COQ7: variants seen among roughly 807,000 people sequenced by gnomAD.
COQ7 encodes the protein NADPH-dependent 3-demethoxyubiquinone 3-hydroxylase, mitochondrial.
Under a neutral mutation model 25.0 loss-of-function variants are expected in COQ7, and 21 were observed. That is an observed-to-expected ratio of 0.84 (90% CI 0.60 to 1.21). The LOEUF (loss-of-function observed/expected upper bound fraction) is 1.21. Ranked by LOEUF, COQ7 falls within the 50% of genes most tolerant of loss-of-function variation. The pLI is 0.00. For missense variants in COQ7, 311 were observed against 296.2 expected, an observed-to-expected ratio of 1.05 and a Z score of -0.37; for synonymous variants, 125 against 112.4, an observed-to-expected ratio of 1.11 and a Z score of -0.71.
chr16:19,082,801 G>A (rs74713376), downstream of COQ7, among the ~76,000 whole-genome samples: 2,004 of 101,958 alleles, frequency 0.02, 51 homozygotes, highest in African/African-American at 0.061. Context: ...CAAATTTTAT[G>A]TATATTTTAC....
At position 19,074,046 on chromosome 16, in the gene COQ7, C is replaced by A; in HGVS notation, c.367+11C>A. 1 of 1,597,238 alleles carries A rather than the reference C, an allele frequency of 6.3e-7. No homozygotes were observed. Among genetic ancestry groups the A allele is most frequent in the Non-Finnish European group, 8.6e-7 (1 of 1,167,048 alleles). On this transcript the variant is annotated intron_variant, in intron 3 of 5. Coordinates refer to ENST00000321998, the MANE Select transcript of COQ7 (RefSeq NM_016138.5). ...TGGGGTTTGCACTGGGTACGTGTCT[C>A]TCTAGAAGAGCTTATGCAAGCTTGG... is the stretch of plus-strand genomic sequence containing the variant.
intron 2 of COQ7, among the ~76,000 whole-genome samples, chr16:19,073,399 T>G (rs1306570717): frequency 6.6e-6 from 1 of 151,890 alleles, no homozygotes; most frequent in Non-Finnish European, 1.5e-5. Flanking sequence ...GAGGCCGAGG[T>G]GGGAGGATCG....
rs764137867 is a variant in COQ7, at chr16:19,067,689, G to T, written c.25G>T (p.Ala9Ser). MSCAGAAAAPRLWRLRPGA... is the reference protein window; with the variant it reads MSCAGAAASPRLWRLRPGA... Reference sequence around the variant, plus strand: ...AATGAGTTGCGCCGGGGCGGCGGCGGCTCCCCGCCTTTGGCGGCTGCGCCC... The same window carrying T: ...AATGAGTTGCGCCGGGGCGGCGGCGTCTCCCCGCCTTTGGCGGCTGCGCCC... The change falls in exon 1 of 6, where the codon GCT becomes TCT. Residue 9 changes from alanine (A) to serine (S), a missense_variant. Coordinates refer to ENST00000321998, the MANE Select transcript of COQ7 (RefSeq NM_016138.5). The T allele has an allele frequency of 6.2e-7, 1 of 1,609,662 alleles. No homozygotes were observed.
At chr16:19,076,499 A>G (rs1962847588) in intron 4 of COQ7, among the ~76,000 whole-genome samples, 1 of 149,364 alleles carries the variant, frequency 6.7e-6, no homozygotes, top group South Asian at 2.1e-4. Context: ...ATTGGTCTTG[A>G]GCTCCTGGGC....
rs878918044 is a variant in COQ7, at chr16:19,067,698, C to T, written c.34C>T (p.Leu12Phe). The T allele has an allele frequency of 4.4e-6, 7 of 1,608,772 alleles. No individual in the cohort carries two copies. The highest frequency in any genetic ancestry group is 1.7e-4 in the Middle Eastern group (1 of 5,998). The stretch of plus-strand genomic sequence containing the variant: ...CGCCGGGGCGGCGGCGGCTCCCCGC[C>T]TTTGGCGGCTGCGCCCGGGGGCCCG... ...SCAGAAAAPR[L>F]WRLRPGARRS... The change falls in exon 1 of 6, where the codon CTT (leucine) becomes TTT (phenylalanine). Residue 12 changes from leucine (L) to phenylalanine (F), a missense_variant. Leu to Phe is a conservative substitution (Grantham distance 22). Coordinates refer to ENST00000321998, the MANE Select transcript of COQ7 (RefSeq NM_016138.5).
rs894473112 is a variant in COQ7, at chr16:19,079,728, G to A, written c.*1570G>A. 6.6e-6 allele frequency: 1 copy of A among 152,184 alleles called. No homozygotes were observed. Among genetic ancestry groups the A allele is most frequent in the Admixed American group, 6.5e-5 (1 of 15,280 alleles). The allele number at this position is 152,184 out of a possible 1,614,324, so 9.4% of individuals were successfully genotyped here. ...TTTAGGAATTTGCTTCCCACCCAGTGCCCTGCATTTAATCAGCACCTGATG... is the reference window on the plus strand; with the variant it reads ...TTTAGGAATTTGCTTCCCACCCAGTACCCTGCATTTAATCAGCACCTGATG... On this transcript the variant is annotated 3_prime_UTR_variant, in exon 6 of 6. Transcript: ENST00000321998.
At chr16:19,067,808 G>A in intron 1 of COQ7, 71 bp downstream of exon 1, 8 of 1,566,114 alleles carry the variant, frequency 5.1e-6, no homozygotes, top group South Asian at 1.1e-5. Context: ...TGAGGTTTGG[G>A]TCGAAGAGGT....
At chr16:19,071,838 C>T (rs778407451) in intron 1 of COQ7, 90 bp from the exon 2 acceptor site, 17 of 1,454,628 alleles carry the variant, frequency 1.2e-5, no homozygotes, top group Non-Finnish European at 1.6e-5. Context: ...TGATTTGTGA[C>T]CTCCATCCCA....
chr16:19,073,325 C>CAAAAAAAACCG (rs1555522096), intron 2 of COQ7, among the ~76,000 whole-genome samples: 20,481 of 123,344 alleles, frequency 0.17, 1,484 homozygotes, highest in African/African-American at 0.21. Context: ...ACAAAAAAAA[C>CAAAAAAAACCG]CGCACACACA....
Position 19,078,129 on chromosome 16 carries a change from G to T in COQ7, c.625G>T (p.Val209Leu). 1 of 1,611,944 alleles carries T rather than the reference G, an allele frequency of 6.2e-7. No individual in the cohort carries two copies. The highest frequency in any genetic ancestry group is 8.5e-7 in the Non-Finnish European group (1 of 1,179,078). The change falls in exon 6 of 6, where the codon GTG becomes TTG. Residue 209 changes from valine to leucine, a missense_variant. Coordinates refer to ENST00000321998, the MANE Select transcript of COQ7 (RefSeq NM_016138.5). Reference protein sequence around the residue: ...LKSIIQAGCRVAIYLSERL With the variant: ...LKSIIQAGCRLAIYLSERL ...GAGCATTATCCAGGCCGGATGCAGA[G>T]TGGCGATATATTTATCAGAAAGATT...
At chr16:19,068,840 T>C in intron 1 of COQ7, 1 of 450,854 alleles carries the variant, frequency 2.2e-6, no homozygotes, top group Middle Eastern at 3.5e-4. Context: ...ACAAAATCCT[T>C]ATGGTGAATG....
intron 5 of COQ7, among the ~76,000 whole-genome samples, 177 bp from the exon 6 acceptor site, chr16:19,077,904 G>A (rs184730644): frequency 1.3e-5 from 2 of 152,170 alleles, no homozygotes; most frequent in East Asian, 3.9e-4. Context: ...CAATGCTTTG[G>A]CAGTAGTAGC....
chr16:19,078,241 G>A lies in COQ7; in HGVS notation c.*83G>A, dbSNP rs1011718826. On this transcript the variant is annotated 3_prime_UTR_variant, in exon 6 of 6. Coordinates refer to ENST00000321998, the MANE Select transcript of COQ7 (RefSeq NM_016138.5). Reference sequence around the variant, plus strand: ...GCAGAGAAACAGGTGTACAGTTATCGTTGTACTTTTGTACAATGTGAATTT... The same window carrying A: ...GCAGAGAAACAGGTGTACAGTTATCATTGTACTTTTGTACAATGTGAATTT... 1.9e-5 allele frequency: 19 copies of A among 998,108 alleles called. No individual in the cohort carries two copies. Among genetic ancestry groups the A allele is most frequent in the Non-Finnish European group, 2.5e-5 (17 of 678,126 alleles). 61.8% of individuals were successfully genotyped at this position (998,108 alleles called of 1,614,324 possible). A position where few individuals can be genotyped will look rare whatever the true frequency, so the allele number is the denominator to read the frequency against.
intron 1 of COQ7, among the ~76,000 whole-genome samples, chr16:19,069,820 G>T (rs1048207563): frequency 6.6e-6 from 1 of 151,918 alleles, no homozygotes; most frequent in South Asian, 2.1e-4. Context: ...GTCTCACTCT[G>T]TCACCGAGGC....
chr16:19,077,412 C>G (rs2142395656), intron 5 of COQ7, 38 bp downstream of exon 5: 1 of 1,571,514 alleles, frequency 6.4e-7, no homozygotes. Context: ...TTTGGGACTC[C>G]TTATTTGGGA....
intron 4 of COQ7, among the ~76,000 whole-genome samples, chr16:19,076,891 C>T (rs894695056): frequency 6.6e-6 from 1 of 152,176 alleles, no homozygotes; most frequent in Non-Finnish European, 1.5e-5. Flanking sequence ...CGCGCCCGGC[C>T]CACTTCTTTA....
intron 3 of COQ7, 133 bp from the exon 4 acceptor site, chr16:19,075,587 TG>T: frequency 1.1e-6 from 1 of 924,706 alleles, no homozygotes; most frequent in Non-Finnish European, 1.6e-6. Flanking sequence ...CCACCATGCA[TG>T]GGACAGCCCC....
chr16:19,078,974 T>C lies in COQ7; in HGVS notation c.*816T>C, dbSNP rs1379273602. On this transcript the variant is annotated 3_prime_UTR_variant, in exon 6 of 6. Coordinates refer to ENST00000321998, the MANE Select transcript of COQ7 (RefSeq NM_016138.5). ...GGGAGAGTGCTACAGTCTGTATGTC[T>C]GTGTCTCCCTAGAATTCATACGATG... 1 of 152,188 alleles carries C rather than the reference T, an allele frequency of 6.6e-6. No individual in the cohort carries two copies. Among genetic ancestry groups the C allele is most frequent in the Non-Finnish European group, 1.5e-5 (1 of 68,030 alleles). The allele number at this position is 152,188 out of a possible 1,614,324, so 9.4% of individuals were successfully genotyped here. A position where few individuals can be genotyped will look rare whatever the true frequency, so the allele number is the denominator to read the frequency against.
intron 5 of COQ7, 21 bp downstream of exon 5, chr16:19,077,395 G>A: frequency 1.9e-6 from 3 of 1,608,860 alleles, no homozygotes; most frequent in Non-Finnish European, 2.6e-6. Context: ...ACTGTTACCT[G>A]TTCTGCTTTG....
Sources: gnomAD v4.1 joint callset for allele counts (sites outside exome capture counted in the v4.1 genomes callset) on GRCh38, gnomAD v4.1.1 for gene constraint, MANE v1.5 for transcripts, NCBI Gene and HGNC (gene_info 2026-07-23, HGNC 2026-07-21) for gene names.